Variants in USP37 observed in about 807,000 individuals in gnomAD.
USP37 encodes ubiquitin carboxyl-terminal hydrolase 37.
Under a neutral mutation model 124.0 loss-of-function variants are expected in USP37, and 27 were observed. The ratio of observed to expected loss-of-function variants is 0.22; its 90% confidence interval spans 0.16 to 0.30. The LOEUF (loss-of-function observed/expected upper bound fraction) is 0.30, where lower values mean the gene tolerates loss of function less well. Ranked by LOEUF, USP37 falls within the 10% of genes least tolerant of loss-of-function variation. The pLI is 1.00. For synonymous variants in USP37, 365 were observed against 388.0 expected (o/e 0.94, Z 0.70); for missense variants, 889 against 1,140.4 (o/e 0.78, Z 3.17).
intron 11 of USP37, among the ~76,000 whole-genome samples, chr2:218,501,382 T>C (rs901142325): frequency 5.9e-5 from 9 of 152,194 alleles, no homozygotes; most frequent in Admixed American, 2.0e-4. Context: ...GAATACATGA[T>C]ATTCCTGTGT....
At chr2:218,555,191 A>G (rs1692898666) in intron 4 of USP37, among the ~76,000 whole-genome samples, 1 of 152,206 alleles carries the variant, frequency 6.6e-6, no homozygotes, top group African/African-American at 2.4e-5. Context: ...CTTATTCTCT[A>G]ATGTTCTCAG....
intron 8 of USP37, among the ~76,000 whole-genome samples, chr2:218,541,262 C>T (rs1024706885): frequency 1.3e-5 from 2 of 152,074 alleles, no homozygotes; most frequent in African/African-American, 4.8e-5. Flanking sequence ...ATGGCTGTTA[C>T]CTAGCTATTT....
chr2:218,523,023 C>T (rs1690745799), intron 10 of USP37, among the ~76,000 whole-genome samples: 1 of 152,136 alleles, frequency 6.6e-6, no homozygotes, highest in East Asian at 1.9e-4. Flanking sequence ...CGCTTGTAAT[C>T]CCAGCACTTT....
intron 10 of USP37, among the ~76,000 whole-genome samples, chr2:218,525,253 G>A (rs1345880220): frequency 6.6e-6 from 1 of 152,180 alleles, no homozygotes; most frequent in Non-Finnish European, 1.5e-5. Context: ...GGCTGAGGCA[G>A]GCGAATCACT....
chr2:218,465,353 G>A (rs1445162235), intron 21 of USP37, among the ~76,000 whole-genome samples: 1 of 151,806 alleles, frequency 6.6e-6, no homozygotes, highest in Non-Finnish European at 1.5e-5. Context: ...AAAAGGGGAG[G>A]AGTGCTTCAG....
chr2:218,518,819 C>CT (rs940891177), intron 10 of USP37, among the ~76,000 whole-genome samples: 3 of 150,700 alleles, frequency 2.0e-5, no homozygotes, highest in Non-Finnish European at 3.0e-5. Flanking sequence ...TCTTTCTTTT[C>CT]TTTTTTCTCC....
intron 23 of USP37, among the ~76,000 whole-genome samples, chr2:218,458,268 A>AAC (rs1689816185): frequency 6.7e-6 from 1 of 149,666 alleles, no homozygotes; most frequent in Non-Finnish European, 1.5e-5. Flanking sequence ...AAAAAAAAAA[A>AAC]AAAAAAAACA....
chr2:218,483,593 G>GAAAAAAAAAAAAAAAAAAAAAAA (rs773885068), intron 16 of USP37, among the ~76,000 whole-genome samples: 1 of 114,028 alleles, frequency 8.8e-6, no homozygotes, highest in Non-Finnish European at 1.9e-5. Flanking sequence ...GATCTACCAG[G>GAAAAAAAAAAAAAAAAAAAAAAA]AAAAAAAAAA....
At chr2:218,492,298 CT>C (rs1357837556) in intron 14 of USP37, among the ~76,000 whole-genome samples, 5 of 152,050 alleles carry the variant, frequency 3.3e-5, no homozygotes, top group African/African-American at 1.2e-4. Flanking sequence ...CTCTAAGGCA[CT>C]ATGATCCTGG....
At chr2:218,509,794 A>G (rs749839926) in intron 11 of USP37, among the ~76,000 whole-genome samples, 185 bp downstream of exon 11, 18 of 152,324 alleles carry the variant, frequency 1.2e-4, no homozygotes, top group Middle Eastern at 3.4e-3. Flanking sequence ...CAAAGTTCTA[A>G]AATTGTTTGG....
At chr2:218,484,643 AC>A (rs376968927) in intron 16 of USP37, among the ~76,000 whole-genome samples, 98,129 of 149,356 alleles carry the variant, frequency 0.66, 32,684 homozygotes, top group East Asian at 0.89. Flanking sequence ...AACAACAACA[AC>A]AACAAACAAC....
chr2:218,507,766 C>A (rs780278929), intron 11 of USP37, among the ~76,000 whole-genome samples: 2 of 152,094 alleles, frequency 1.3e-5, no homozygotes, highest in Non-Finnish European at 2.9e-5. Context: ...ATTTTCTTCT[C>A]TTGCTTCTAA....
chr2:218,456,431 G>C (rs941548763), intron 24 of USP37, among the ~76,000 whole-genome samples: 1 of 150,186 alleles, frequency 6.7e-6, no homozygotes, highest in Non-Finnish European at 1.5e-5. Flanking sequence ...CTGCACTCCA[G>C]CCTGGTGACA....
At chr2:218,565,692 T>G (rs1437937775) in intron 1 of USP37, among the ~76,000 whole-genome samples, 1 of 152,196 alleles carries the variant, frequency 6.6e-6, no homozygotes, top group Non-Finnish European at 1.5e-5. Flanking sequence ...AAAAAAGAAG[T>G]GGTCACTAGC....
chr2:218,502,040 G>A (rs184472741), intron 11 of USP37, among the ~76,000 whole-genome samples: 2 of 152,120 alleles, frequency 1.3e-5, no homozygotes, highest in East Asian at 3.9e-4. Context: ...TATGCTTTAG[G>A]AAAGGAAGCA....
At chr2:218,496,345 T>C (rs995094720) in intron 13 of USP37, among the ~76,000 whole-genome samples, 1 of 151,980 alleles carries the variant, frequency 6.6e-6, no homozygotes. Flanking sequence ...CAAAAAATAA[T>C]AGCTTATTAA....
At chr2:218,463,680 C>T (rs1192760885) in intron 21 of USP37, among the ~76,000 whole-genome samples, 4 of 150,686 alleles carry the variant, frequency 2.7e-5, no homozygotes, top group Non-Finnish European at 5.9e-5. Flanking sequence ...GGACTACAGG[C>T]GCCCGCCACC....
chr2:218,467,451 C>T (rs577623668), intron 20 of USP37, among the ~76,000 whole-genome samples: 2 of 152,146 alleles, frequency 1.3e-5, no homozygotes, highest in South Asian at 2.1e-4. Context: ...AGGGTTCCAG[C>T]GATTCTCCTG....
intron 19 of USP37, among the ~76,000 whole-genome samples, chr2:218,476,511 G>GC (rs1176611163): frequency 6.6e-6 from 1 of 152,086 alleles, no homozygotes; most frequent in Non-Finnish European, 1.5e-5. Flanking sequence ...GGAGAACGAT[G>GC]CTGTGGTGAG....
Sources: gnomAD v4.1 joint callset for allele counts (sites outside exome capture counted in the v4.1 genomes callset) on GRCh38, gnomAD v4.1.1 for gene constraint, MANE v1.5 for transcripts, NCBI Gene and HGNC (gene_info 2026-07-23, HGNC 2026-07-21) for gene names.